The following RANBP2 variants were observed in gnomAD, a reference collection of about 807,000 sequenced individuals.
The protein encoded by RANBP2 is RAN binding protein 2.
RANBP2 carries 57 observed loss-of-function variants against 303.6 expected under a neutral mutation model. The observed-to-expected ratio is 0.19, with a 90% CI of 0.15 to 0.23. The LOEUF (loss-of-function observed/expected upper bound fraction) is 0.23. Among genes scored for constraint, RANBP2 ranks in the 10% least tolerant of loss-of-function variants. The pLI is 1.00. For synonymous variants in RANBP2, 1,167 were observed against 1,301.5 expected (o/e 0.90, Z 2.23); for missense variants, 3,138 against 3,780.8 (o/e 0.83, Z 4.46).
chr2:109,544,261 A>G, the RANBP2 span: 1 of 1,612,948 alleles, frequency 6.2e-7, no homozygotes. Context: ...TTTTTTTTTA[A>G]TAAAGTTTGC....
At chr2:109,403,468 T>G in the RANBP2 span, among the ~76,000 whole-genome samples, 2 of 152,238 alleles carry the variant, frequency 1.3e-5, no homozygotes, top group Non-Finnish European at 2.9e-5. Flanking sequence ...GCTGTACTTC[T>G]GTGCCAGCCC....
the RANBP2 span, among the ~76,000 whole-genome samples, chr2:109,601,581 C>T: frequency 9.9e-5 from 15 of 152,264 alleles, no homozygotes; most frequent in African/African-American, 3.6e-4. Context: ...GGTACTCCTT[C>T]TTTGTTTCTC....
chr2:108,790,677 GGTGA>G (rs1679769186), downstream of RANBP2, among the ~76,000 whole-genome samples: 1 of 152,156 alleles, frequency 6.6e-6, no homozygotes, highest in South Asian at 2.1e-4. Context: ...CTGCAACCTG[GGTGA>G]CAGAGTGAGA....
At chr2:109,061,552 C>T in the RANBP2 span, among the ~76,000 whole-genome samples, 11 of 152,130 alleles carry the variant, frequency 7.2e-5, no homozygotes, top group African/African-American at 2.7e-4. Context: ...AGGTTTCCTA[C>T]TAGCCTACCC....
chr2:109,607,600 C>A, the RANBP2 span, among the ~76,000 whole-genome samples: 1 of 151,990 alleles, frequency 6.6e-6, no homozygotes, highest in Admixed American at 6.6e-5. Flanking sequence ...ATTACCTGGG[C>A]TAATTTAATA....
the RANBP2 span, among the ~76,000 whole-genome samples, chr2:109,147,172 T>C: frequency 6.6e-6 from 1 of 152,110 alleles, no homozygotes; most frequent in Non-Finnish European, 1.5e-5. Context: ...TGGCACTTCC[T>C]CAAGGTGCCT....
chr2:109,017,874 T>G, the RANBP2 span, among the ~76,000 whole-genome samples: 1 of 152,320 alleles, frequency 6.6e-6, no homozygotes, highest in African/African-American at 2.4e-5. Context: ...GTTGTTAGGC[T>G]GAGCACGGCA....
the RANBP2 span, among the ~76,000 whole-genome samples, chr2:109,064,473 A>AC: frequency 6.9e-6 from 1 of 145,600 alleles, no homozygotes; most frequent in Non-Finnish European, 1.5e-5. Flanking sequence ...AAAAAAAAAC[A>AC]AAAACAAACT....
chr2:109,580,736 T>C, the RANBP2 span, among the ~76,000 whole-genome samples: 2 of 151,916 alleles, frequency 1.3e-5, no homozygotes, highest in Non-Finnish European at 2.9e-5. Flanking sequence ...GAAAAAAAGG[T>C]TTTAAAACAC....
At chr2:108,824,693 C>G in the RANBP2 span, among the ~76,000 whole-genome samples, 1 of 151,968 alleles carries the variant, frequency 6.6e-6, no homozygotes, top group South Asian at 2.1e-4. Context: ...CATTTATTAT[C>G]TTTATCAAGT....
chr2:109,603,084 A>G, the RANBP2 span, among the ~76,000 whole-genome samples: 1 of 151,806 alleles, frequency 6.6e-6, no homozygotes, highest in Non-Finnish European at 1.5e-5. Flanking sequence ...AACAAAACAA[A>G]AAAAACAAAA....
the RANBP2 span, among the ~76,000 whole-genome samples, chr2:109,065,856 C>A: frequency 6.6e-6 from 1 of 152,174 alleles, no homozygotes; most frequent in Non-Finnish European, 1.5e-5. Flanking sequence ...CAGGCAGAGG[C>A]AACAAAGTGA....
chr2:108,752,037 A>T (rs1675925049), intron 12 of RANBP2, 43 bp downstream of exon 12: 11 of 1,606,534 alleles, frequency 6.8e-6, no homozygotes, highest in Non-Finnish European at 9.3e-6. Context: ...CATTACCTTA[A>T]TTTTTTAAAA....
At chr2:109,707,692 A>G in the RANBP2 span, among the ~76,000 whole-genome samples, 1 of 152,194 alleles carries the variant, frequency 6.6e-6, no homozygotes, top group African/African-American at 2.4e-5. Flanking sequence ...GTCAGCGCCC[A>G]TGCCGGGCTG....
the RANBP2 span, among the ~76,000 whole-genome samples, chr2:109,441,162 A>G: frequency 2.0e-5 from 3 of 150,674 alleles, no homozygotes; most frequent in Admixed American, 1.3e-4. Context: ...GCTCTCAACA[A>G]CATAAAAATC....
the RANBP2 span, among the ~76,000 whole-genome samples, chr2:109,524,701 C>T: frequency 7.2e-5 from 11 of 151,750 alleles, no homozygotes; most frequent in African/African-American, 1.2e-4. Flanking sequence ...GCTGAGATCG[C>T]GCCACTGCAC....
intron 23 of RANBP2, among the ~76,000 whole-genome samples, chr2:108,774,852 T>A (rs953781247): frequency 6.6e-6 from 1 of 151,792 alleles, no homozygotes; most frequent in Non-Finnish European, 1.5e-5. Context: ...ATTATAGGCG[T>A]GGCTAATTTT....
At chr2:108,798,820 C>CAT in the RANBP2 span, among the ~76,000 whole-genome samples, 1 of 118,452 alleles carries the variant, frequency 8.4e-6, no homozygotes, top group South Asian at 2.3e-4. Context: ...CACACCTACA[C>CAT]ACACACACAC....
the RANBP2 span, among the ~76,000 whole-genome samples, chr2:109,274,844 G>T: frequency 6.6e-6 from 1 of 151,766 alleles, no homozygotes; most frequent in Non-Finnish European, 1.5e-5. Context: ...AATATTTGTA[G>T]ATTACCATAA....
Sources: gnomAD v4.1 joint callset for allele counts (sites outside exome capture counted in the v4.1 genomes callset) on GRCh38, gnomAD v4.1.1 for gene constraint, MANE v1.5 for transcripts, NCBI Gene and HGNC (gene_info 2026-07-23, HGNC 2026-07-21) for gene names.